AGBL4: variants seen among roughly 807,000 people sequenced by gnomAD.
AGBL4 encodes AGBL carboxypeptidase 4, also known as cytosolic carboxypeptidase 6.
A neutral mutation model predicts 66.4 loss-of-function variants in AGBL4; 58 were observed. That is an observed-to-expected ratio of 0.87 (90% CI 0.71 to 1.09). AGBL4 has a LOEUF of 1.09. Ranked by LOEUF, AGBL4 falls within the 50% of genes least tolerant of loss-of-function variation. AGBL4 has a pLI of 0.00. For synonymous variants in AGBL4, 234 were observed against 222.9 expected, an observed-to-expected ratio of 1.05 and a Z score of -0.44; for missense variants, 579 against 631.0, an observed-to-expected ratio of 0.92 and a Z score of 0.88.
intron 3 of AGBL4, among the ~76,000 whole-genome samples, chr1:49,557,324 C>T (rs569024427): frequency 2.0e-5 from 3 of 152,266 alleles, no homozygotes; most frequent in East Asian, 3.9e-4. Flanking sequence ...AACCAAAAAT[C>T]AGGTGAGCCC....
intron 4 of AGBL4, among the ~76,000 whole-genome samples, chr1:49,185,309 A>G (rs1223595635): frequency 6.6e-6 from 1 of 152,202 alleles, no homozygotes; most frequent in Non-Finnish European, 1.5e-5. Context: ...CAGAGACGTT[A>G]TAAACAGGCC....
intron 3 of AGBL4, among the ~76,000 whole-genome samples, chr1:49,261,338 G>T (rs1251123725): frequency 2.0e-5 from 3 of 152,124 alleles, no homozygotes; most frequent in Admixed American, 6.5e-5. Context: ...GAAATAAAGG[G>T]TATTCAATTA....
At chr1:49,556,516 T>TA in intron 3 of AGBL4, among the ~76,000 whole-genome samples, 1 of 146,686 alleles carries the variant, frequency 6.8e-6, no homozygotes, top group East Asian at 2.0e-4. Context: ...ATAAAAAAAA[T>TA]TATATATATA....
At chr1:49,436,201 T>C (rs1371978089) in intron 3 of AGBL4, among the ~76,000 whole-genome samples, 1 of 152,088 alleles carries the variant, frequency 6.6e-6, no homozygotes, top group African/African-American at 2.4e-5. Context: ...GGATACAGTA[T>C]AGGAAAAATG....
At chr1:49,799,775 G>A (rs1341933893) in intron 2 of AGBL4, among the ~76,000 whole-genome samples, 1 of 152,100 alleles carries the variant, frequency 6.6e-6, no homozygotes, top group Non-Finnish European at 1.5e-5. Context: ...TGCCTCAGGC[G>A]AGTAGTTGTG....
intron 5 of AGBL4, among the ~76,000 whole-genome samples, chr1:49,032,138 T>C (rs183030532): frequency 4.6e-4 from 70 of 152,214 alleles, no homozygotes; most frequent in African/African-American, 1.7e-3. Flanking sequence ...CCAGTGTGGG[T>C]AGACCATAGG....
chr1:48,985,150 A>C (rs1005629718), intron 5 of AGBL4, among the ~76,000 whole-genome samples: 3 of 152,134 alleles, frequency 2.0e-5, no homozygotes, highest in African/African-American at 7.2e-5. Flanking sequence ...GTCAGTGATC[A>C]CTGTGAGATG....
chr1:49,635,201 T>C (rs1645647635), intron 3 of AGBL4, among the ~76,000 whole-genome samples: 1 of 152,180 alleles, frequency 6.6e-6, no homozygotes, highest in African/African-American at 2.4e-5. Context: ...AAGCTGCATG[T>C]CTCTCTTTTA....
chr1:48,994,862 C>G (rs1266488816), intron 5 of AGBL4, among the ~76,000 whole-genome samples: 1 of 152,102 alleles, frequency 6.6e-6, no homozygotes, highest in East Asian at 1.9e-4. Context: ...AGATCAGGTA[C>G]AGATACATAA....
At chr1:48,742,536 C>T (rs541803145) in intron 6 of AGBL4, 7 of 1,297,060 alleles carry the variant, frequency 5.4e-6, no homozygotes, top group Admixed American at 3.0e-5. Flanking sequence ...AGTCAAGCTG[C>T]GATTTGGAAA....
chr1:49,548,335 C>T (rs1399537375), intron 3 of AGBL4, among the ~76,000 whole-genome samples: 1 of 152,110 alleles, frequency 6.6e-6, no homozygotes, highest in Non-Finnish European at 1.5e-5. Flanking sequence ...ACTTCCAGTG[C>T]TATGTTGAAG....
At chr1:49,450,032 T>A (rs1646243228) in intron 3 of AGBL4, among the ~76,000 whole-genome samples, 1 of 152,062 alleles carries the variant, frequency 6.6e-6, no homozygotes, top group African/African-American at 2.4e-5. Context: ...CAGGTAGACC[T>A]GCCAACACAC....
rs1651721016 is a variant in AGBL4, at chr1:48,898,143, TTTTG to T, written c.595-30917_595-30914del. On this transcript the variant is annotated intron_variant, in intron 5 of 13. Transcript: ENST00000371839. The stretch of plus-strand genomic sequence containing the variant: ...TTTTTTGATTATTTGGCTTTTGTTT[TTTTG>T]TTTGTTTGTTTTGTTTTTGGCTTAA... Among the ~76,000 whole-genome samples the T allele has an allele frequency of 3.9e-5, 6 of 152,306 alleles. No individual in the cohort carries two copies. In the South Asian group the frequency reaches 6.2e-4, roughly 16 times the overall value.
chr1:49,847,705 G>GTT (rs143820918), intron 2 of AGBL4, among the ~76,000 whole-genome samples: 10 of 142,072 alleles, frequency 7.0e-5, no homozygotes, highest in Middle Eastern at 3.7e-3. Flanking sequence ...AAATAAACTT[G>GTT]TTTTTTTTTT....
At chr1:49,245,963 T>C (rs1651611002) in intron 3 of AGBL4, 99 bp from the exon 4 acceptor site, 4 of 862,042 alleles carry the variant, frequency 4.6e-6, no homozygotes, top group Non-Finnish European at 7.3e-6. Flanking sequence ...AAGAAAGCCA[T>C]ATGGACTAGC....
chr1:48,781,269 A>C (rs761876940), intron 6 of AGBL4, among the ~76,000 whole-genome samples: 1 of 152,242 alleles, frequency 6.6e-6, no homozygotes, highest in Non-Finnish European at 1.5e-5. Context: ...ATTCTGGAGT[A>C]GTCATGACTG....
At chr1:48,631,422 G>A (rs2148410608) in intron 9 of AGBL4, among the ~76,000 whole-genome samples, 1 of 152,238 alleles carries the variant, frequency 6.6e-6, no homozygotes, top group South Asian at 2.1e-4. Context: ...AAGGAGTCTT[G>A]ATCTGTCACT....
intron 3 of AGBL4, among the ~76,000 whole-genome samples, chr1:49,545,740 T>C (rs748787841): frequency 6.6e-6 from 1 of 152,234 alleles, no homozygotes; most frequent in Non-Finnish European, 1.5e-5. Context: ...ATGATTTTTG[T>C]TGTTGTTTTA....
At position 48,662,455 on chromosome 1, in the gene AGBL4, C is replaced by G. The variant is rs13376038; in HGVS notation, c.724+697G>C. Among the ~76,000 whole-genome samples, 21 of 152,280 alleles carry G rather than the reference C, an allele frequency of 1.4e-4. 1 individual carries two copies. In the South Asian group the frequency reaches 4.3e-3, roughly 32 times the overall value. ...TAGAACCTACACAGGCGTTTCATATCTCTTTGACCTCATGGTCACTTTGAG... is the reference window on the plus strand; with the variant it reads ...TAGAACCTACACAGGCGTTTCATATGTCTTTGACCTCATGGTCACTTTGAG... On this transcript the variant is annotated intron_variant, in intron 7 of 13. Coordinates refer to ENST00000371839, the MANE Select transcript of AGBL4 (RefSeq NM_032785.4).
Sources: gnomAD v4.1 joint callset for allele counts (sites outside exome capture counted in the v4.1 genomes callset) on GRCh38, gnomAD v4.1.1 for gene constraint, MANE v1.5 for transcripts, NCBI Gene and HGNC (gene_info 2026-07-23, HGNC 2026-07-21) for gene names.